DOCK2: variants seen among roughly 807,000 people sequenced by gnomAD.
The protein encoded by DOCK2 is dedicator of cytokinesis protein 2.
A neutral mutation model predicts 248.9 loss-of-function variants in DOCK2; 87 were observed. The observed-to-expected ratio is 0.35, with a 90% CI of 0.29 to 0.42. The LOEUF (loss-of-function observed/expected upper bound fraction) is 0.42, where lower values mean the gene tolerates loss of function less well. DOCK2 is among the 10% of genes least tolerant of loss of function. DOCK2 has a pLI of 1.00. For synonymous variants in DOCK2, 805 were observed against 821.6 expected (o/e 0.98, Z 0.35); for missense variants, 1,747 against 2,300.2 (o/e 0.76, Z 4.92).
chr5:170,017,268 G>A (rs961350082), intron 32 of DOCK2, among the ~76,000 whole-genome samples: 2 of 152,100 alleles, frequency 1.3e-5, no homozygotes, highest in African/African-American at 4.8e-5. Context: ...TCTGCCCCAG[G>A]CGAAGACCAC....
At chr5:169,944,105 A>G (rs547560876) in intron 27 of DOCK2, among the ~76,000 whole-genome samples, 2 of 152,322 alleles carry the variant, frequency 1.3e-5, no homozygotes, top group South Asian at 2.1e-4. Flanking sequence ...GTCATTTAAC[A>G]CTAACCATGG....
intron 27 of DOCK2, among the ~76,000 whole-genome samples, chr5:169,846,893 T>C (rs910191271): frequency 4.6e-5 from 7 of 152,130 alleles, no homozygotes; most frequent in African/African-American, 9.7e-5. Flanking sequence ...ATTACGTTAC[T>C]CTGTATGCCT....
chr5:170,034,586 C>A, intron 35 of DOCK2, 31 bp downstream of exon 35: 2 of 1,611,718 alleles, frequency 1.2e-6, no homozygotes, highest in South Asian at 2.2e-5. Flanking sequence ...CAAGTCAGAC[C>A]AGAACCCTGT....
At chr5:169,975,177 AC>A (rs1777672955) in intron 27 of DOCK2, among the ~76,000 whole-genome samples, 1 of 152,236 alleles carries the variant, frequency 6.6e-6, no homozygotes, top group Non-Finnish European at 1.5e-5. Flanking sequence ...AAGAGTGACA[AC>A]CATCAGGAAT....
Position 169,674,250 on chromosome 5 carries a change from C to A in DOCK2, c.322-47C>A. The A allele has an allele frequency of 3.1e-6, 5 of 1,603,784 alleles. No individual in the cohort carries two copies. In the South Asian group the frequency reaches 5.6e-5, roughly 18 times the overall value. On this transcript the variant is annotated intron_variant, in intron 5 of 51. Transcript: ENST00000520908. ...TGGCACAGCCTGCCAAATAGATGGT[C>A]ATGCCCCTTTAACACAGGTAATTAT...
chr5:170,046,398 C>A (rs1175762762), intron 39 of DOCK2, among the ~76,000 whole-genome samples: 1 of 152,150 alleles, frequency 6.6e-6, no homozygotes, highest in African/African-American at 2.4e-5. Flanking sequence ...ACTGCAGAAG[C>A]CTGGGTTTGG....
chr5:169,807,833 C>CAAA (rs61670398), intron 26 of DOCK2, among the ~76,000 whole-genome samples: 5 of 24,218 alleles, frequency 2.1e-4, no homozygotes, highest in Admixed American at 5.7e-4. Context: ...GACTCTGTCT[C>CAAA]AAAAAAAAAA....
intron 15 of DOCK2, among the ~76,000 whole-genome samples, chr5:169,709,540 AAAAT>A (rs1200200684): frequency 1.3e-5 from 2 of 151,960 alleles, no homozygotes; most frequent in Admixed American, 1.3e-4. Context: ...GTCTCTACTA[AAAAT>A]AAATACATAC....
At chr5:169,951,127 C>G (rs1581463209) in intron 27 of DOCK2, among the ~76,000 whole-genome samples, 1 of 152,192 alleles carries the variant, frequency 6.6e-6, no homozygotes, top group Non-Finnish European at 1.5e-5. Context: ...CCCTTTCCCT[C>G]CCTGGCTGCT....
intron 14 of DOCK2, among the ~76,000 whole-genome samples, chr5:169,707,014 T>C (rs1439842942): frequency 6.6e-6 from 1 of 152,178 alleles, no homozygotes. Flanking sequence ...ACCATCAACA[T>C]GCCGAGAGGC....
At chr5:169,953,142 C>T (rs1249680339) in intron 27 of DOCK2, among the ~76,000 whole-genome samples, 7 of 151,878 alleles carry the variant, frequency 4.6e-5, no homozygotes, top group African/African-American at 1.7e-4. Context: ...GCCAACATGG[C>T]GAAACCCTGT....
At chr5:169,742,929 T>G (rs1248758646) in intron 22 of DOCK2, among the ~76,000 whole-genome samples, 1 of 152,216 alleles carries the variant, frequency 6.6e-6, no homozygotes, top group Non-Finnish European at 1.5e-5. Flanking sequence ...GTTTTCCTTG[T>G]GGTCAGGGCC....
intron 22 of DOCK2, among the ~76,000 whole-genome samples, chr5:169,723,599 C>A (rs1046869995): frequency 7.9e-5 from 12 of 152,174 alleles, no homozygotes; most frequent in Admixed American, 2.6e-4. Context: ...TTGTGCCAAC[C>A]ACACTGGACT....
chr5:169,927,806 T>A (rs1405467094), intron 27 of DOCK2, among the ~76,000 whole-genome samples: 3 of 152,116 alleles, frequency 2.0e-5, no homozygotes, highest in Non-Finnish European at 1.5e-5. Flanking sequence ...TTAGTAGAGA[T>A]GGGGTTTCAC....
chr5:169,881,511 A>G, intron 27 of DOCK2: 1 of 1,242,010 alleles, frequency 8.1e-7, no homozygotes, highest in Non-Finnish European at 1.2e-6. Context: ...CATTCAACCT[A>G]CTTGTCCCTT....
At chr5:169,733,786 A>G (rs1762905015) in intron 22 of DOCK2, among the ~76,000 whole-genome samples, 1 of 151,968 alleles carries the variant, frequency 6.6e-6, no homozygotes, top group African/African-American at 2.4e-5. Flanking sequence ...CTTTATAGGC[A>G]TTCTGGTTTT....
Position 169,795,455 on chromosome 5 carries a change from T to C in DOCK2, c.2555-7603T>C, listed in dbSNP as rs547165257. ...GGCTGCAGGTGATGATTCTGGGTGT[T>C]GTAATGAGGCATGTTTCTGGGGGTG... On this transcript the variant is annotated intron_variant, in intron 25 of 51. Coordinates refer to ENST00000520908, the MANE Select transcript of DOCK2 (RefSeq NM_004946.3). 1.9e-3 allele frequency among the ~76,000 whole-genome samples: 286 copies of C among 152,186 alleles called. 1 individual carries two copies. The highest frequency in any genetic ancestry group is 3.5e-3 in the Non-Finnish European group (241 of 67,994).
In DOCK2 at chr5:169,654,417, C is replaced by G; in HGVS notation, c.58C>G (p.Gln20Glu). The G allele has an allele frequency of 6.2e-7, 1 of 1,614,154 alleles. No individual in the cohort carries two copies. The highest frequency in any genetic ancestry group is 8.5e-7 in the Non-Finnish European group (1 of 1,180,020). The change falls in exon 2 of 52, where the codon CAA becomes GAA. Residue 20 changes from glutamine to glutamate, a missense_variant. By Grantham distance (29) the Gln-to-Glu change is conservative. Transcript: ENST00000520908. ...ERHGVAIYNF[Q>E]GSGAPQLSLQ... ...CTGTTTCACAGCCATATACAACTTC[C>G]AAGGCAGCGGAGCCCCCCAGCTCTC...
intron 9 of DOCK2, among the ~76,000 whole-genome samples, chr5:169,693,884 C>G (rs186085787): frequency 6.6e-6 from 1 of 152,176 alleles, no homozygotes; most frequent in Admixed American, 6.5e-5. Flanking sequence ...GCTCTTAAGA[C>G]CTTCAGCTGG....
Sources: gnomAD v4.1 joint callset for allele counts (sites outside exome capture counted in the v4.1 genomes callset) on GRCh38, gnomAD v4.1.1 for gene constraint, MANE v1.5 for transcripts, NCBI Gene and HGNC (gene_info 2026-07-23, HGNC 2026-07-21) for gene names.